The following LHFPL3 variants were observed in gnomAD, a reference collection of about 807,000 sequenced individuals.
LHFPL3 encodes LHFPL tetraspan subfamily member 3 protein.
A neutral mutation model predicts 19.3 loss-of-function variants in LHFPL3; 5 were observed. The observed-to-expected ratio is 0.26, with a 90% CI of 0.14 to 0.54. The LOEUF is 0.54. Ranked by LOEUF, LHFPL3 falls within the 20% of genes least tolerant of loss-of-function variation. The pLI is 0.94. For synonymous variants in LHFPL3, 133 were observed against 126.2 expected (o/e 1.05, Z -0.36); for missense variants, 249 against 307.4 (o/e 0.81, Z 1.42).
At chr7:104,395,084 C>T (rs1329070549) in intron 1 of LHFPL3, among the ~76,000 whole-genome samples, 3 of 151,892 alleles carry the variant, frequency 2.0e-5, no homozygotes, top group Admixed American at 1.3e-4. Context: ...CACAACTATC[C>T]AACATCTAGT....
chr7:104,328,937 T>C lies in LHFPL3; in HGVS notation c.158T>C (p.Val53Ala), dbSNP rs1333242862. ...FTICFAIVNV[V>A]CFIQPYWIGD... ...ATCTGCTTTGCCATCGTCAACGTGG[T>C]GTGCTTCATCCAGCCCTACTGGATA... Residue 53 changes from valine (V) to alanine (A), a missense_variant, in exon 1 of 3, where the codon GTG becomes GCG. By Grantham distance (64) the Val-to-Ala change is moderately conservative. Transcript: ENST00000424859. This position sits in a 1 kb window ranked among gnomAD's most constrained non-coding sequence, Gnocchi z 4.6. The C allele has an allele frequency of 6.2e-7, 1 of 1,614,196 alleles. No homozygotes were observed. Among genetic ancestry groups the C allele is most frequent in the Non-Finnish European group, 8.5e-7 (1 of 1,180,034 alleles).
intron 2 of LHFPL3, among the ~76,000 whole-genome samples, chr7:104,816,980 CCAGT>C (rs1481389082): frequency 6.6e-6 from 1 of 152,238 alleles, no homozygotes; most frequent in African/African-American, 2.4e-5. Flanking sequence ...GCTAGCTCTT[CCAGT>C]CATTCTGGGG....
chr7:104,672,299 C>A lies in LHFPL3; in HGVS notation c.446-64376C>A, dbSNP rs1792500268. On this transcript the variant is annotated intron_variant, in intron 1 of 2. Transcript: ENST00000424859. The stretch of plus-strand genomic sequence containing the variant: ...AGGATAAATTATAGGGGTTCACACA[C>A]CCCCTTTCTCCTCATTACACTACCA... 3.3e-5 allele frequency among the ~76,000 whole-genome samples: 5 copies of A among 152,112 alleles called. No individual in the cohort carries two copies. The South Asian group carries it at 1.0e-3, about 32-fold the overall frequency.
intron 1 of LHFPL3, among the ~76,000 whole-genome samples, chr7:104,566,709 A>C (rs1444348206): frequency 6.6e-6 from 1 of 152,196 alleles, no homozygotes; most frequent in Non-Finnish European, 1.5e-5. Flanking sequence ...CTATTCAATG[A>C]GAATTAATTC....
intron 1 of LHFPL3, among the ~76,000 whole-genome samples, chr7:104,660,861 T>C (rs1792213200): frequency 6.6e-6 from 1 of 152,254 alleles, no homozygotes; most frequent in Non-Finnish European, 1.5e-5. Flanking sequence ...CATACACCAT[T>C]GTCTCTGGTC....
chr7:104,803,708 A>C (rs1790300275), intron 2 of LHFPL3, among the ~76,000 whole-genome samples: 1 of 152,248 alleles, frequency 6.6e-6, no homozygotes, highest in South Asian at 2.1e-4. Flanking sequence ...GCAGTGCACA[A>C]ACTGCCCAAC....
At chr7:104,455,068 C>T (rs1290931972) in intron 1 of LHFPL3, among the ~76,000 whole-genome samples, 1 of 152,108 alleles carries the variant, frequency 6.6e-6, no homozygotes, top group Non-Finnish European at 1.5e-5. Flanking sequence ...AGTGTTTTTC[C>T]TTTATAGTTT....
intron 2 of LHFPL3, among the ~76,000 whole-genome samples, chr7:104,842,413 A>AGCAG (rs1204507904): frequency 1.3e-5 from 2 of 152,120 alleles, no homozygotes; most frequent in African/African-American, 2.4e-5. Flanking sequence ...TGGAGCCCAG[A>AGCAG]GCAGACCTTA....
chr7:104,444,862 T>C (rs10248554), intron 1 of LHFPL3, among the ~76,000 whole-genome samples: 37,733 of 151,842 alleles, frequency 0.25, 5,655 homozygotes, highest in African/African-American at 0.42. Context: ...ATGGCGCATG[T>C]CTGTAATCCC....
chr7:104,346,344 T>TC (rs1790064792), intron 1 of LHFPL3, among the ~76,000 whole-genome samples: 1 of 150,672 alleles, frequency 6.6e-6, no homozygotes, highest in African/African-American at 2.4e-5. Flanking sequence ...GGGTTTTTTT[T>TC]TTTTTTTTTG....
At chr7:104,520,238 C>A (rs562526041) in intron 1 of LHFPL3, among the ~76,000 whole-genome samples, 115 of 152,032 alleles carry the variant, frequency 7.6e-4, no homozygotes, top group African/African-American at 2.7e-3. Flanking sequence ...TGTTTATATG[C>A]TGGATTACAT....
At chr7:104,570,354 G>A (rs575811151) in intron 1 of LHFPL3, among the ~76,000 whole-genome samples, 1 of 152,260 alleles carries the variant, frequency 6.6e-6, no homozygotes, top group East Asian at 1.9e-4. Context: ...TCAGATATGA[G>A]GGTGCTTCAC....
chr7:104,493,382 A>G (rs1014070149), intron 1 of LHFPL3, among the ~76,000 whole-genome samples: 1 of 149,862 alleles, frequency 6.7e-6, no homozygotes, highest in African/African-American at 2.5e-5. Flanking sequence ...CTGAAATGTC[A>G]TCTAGTATCA....
At chr7:104,832,837 C>A (rs1442533455) in intron 2 of LHFPL3, among the ~76,000 whole-genome samples, 1 of 145,500 alleles carries the variant, frequency 6.9e-6, no homozygotes, top group African/African-American at 2.6e-5. Flanking sequence ...ATTAGCTAGG[C>A]GTGGTGGCAT....
chr7:104,435,856 A>G (rs1467746865), intron 1 of LHFPL3, among the ~76,000 whole-genome samples: 6 of 152,176 alleles, frequency 3.9e-5, no homozygotes, highest in Admixed American at 3.9e-4. Context: ...AGTAAGGCCA[A>G]CTTGGTTCCT....
chr7:104,819,669 G>A (rs556658138), intron 2 of LHFPL3, among the ~76,000 whole-genome samples: 8 of 152,308 alleles, frequency 5.3e-5, no homozygotes, highest in East Asian at 1.9e-4. Context: ...CTTTAAATGC[G>A]ATTCACAGGG....
chr7:104,539,674 T>C (rs1794449934), intron 1 of LHFPL3, among the ~76,000 whole-genome samples: 1 of 152,206 alleles, frequency 6.6e-6, no homozygotes, highest in African/African-American at 2.4e-5. Context: ...TCCTCACCAA[T>C]GTTTTCCTAG....
rs1402930404 is a variant in LHFPL3 at position 104,558,951 on chromosome 7, G to T, written c.446-177724G>T. On this transcript the variant is annotated intron_variant, in intron 1 of 2. Transcript: ENST00000424859. ...TTAAATAGGGAATCCTTTCCCCATT[G>T]CTTGTTTTTGTCAGGTTTGTCAAAG... 6.7e-3 allele frequency among the ~76,000 whole-genome samples: 989 copies of T among 146,826 alleles called. 4 individuals are homozygous for T. Among genetic ancestry groups the T allele is most frequent in the African/African-American group, 0.024 (907 of 37,968 alleles).
chr7:104,391,028 GTTGT>G (rs1230328683), intron 1 of LHFPL3, among the ~76,000 whole-genome samples: 12 of 152,112 alleles, frequency 7.9e-5, no homozygotes, highest in Non-Finnish European at 1.6e-4. Context: ...TTTTGATGGG[GTTGT>G]TTGTTTTTTT....
Sources: allele counts gnomAD v4.1 joint callset (sites outside exome capture counted in the v4.1 genomes callset), GRCh38; gene constraint gnomAD v4.1.1; non-coding constraint Gnocchi (gnomAD v3.1); transcripts MANE v1.5; gene names NCBI Gene and HGNC (gene_info 2026-07-23, HGNC 2026-07-21).